UNC13C: variants seen among roughly 807,000 people sequenced by gnomAD.
UNC13C encodes protein unc-13 homolog C.
A neutral mutation model predicts 245.4 loss-of-function variants in UNC13C; 174 were observed. The ratio of observed to expected loss-of-function variants is 0.71; its 90% CI spans 0.63 to 0.80. The LOEUF is 0.80. Among genes scored for constraint, UNC13C ranks in the 30% least tolerant of loss-of-function variants. UNC13C has a pLI of 0.00. For missense variants in UNC13C, 2,829 were observed against 2,602.9 expected (o/e 1.09, Z -1.89); for synonymous variants, 992 against 895.1 (o/e 1.11, Z -1.93).
intron 1 of UNC13C, among the ~76,000 whole-genome samples, chr15:54,003,384 TATC>T (rs1894986730): frequency 6.6e-6 from 1 of 152,158 alleles, no homozygotes; most frequent in African/African-American, 2.4e-5. Context: ...CAACAGTGCT[TATC>T]ATCATGTAGC....
At chr15:53,895,179 C>A in the UNC13C span, among the ~76,000 whole-genome samples, 1 of 151,732 alleles carries the variant, frequency 6.6e-6, no homozygotes, top group Non-Finnish European at 1.5e-5. Flanking sequence ...GCCTGGCCAA[C>A]ATGGTGAAAC....
At chr15:53,951,324 A>G in the UNC13C span, among the ~76,000 whole-genome samples, 1 of 152,216 alleles carries the variant, frequency 6.6e-6, no homozygotes, top group African/African-American at 2.4e-5. Context: ...TTTCACATCT[A>G]TCTAATGTAT....
chr15:54,416,140 G>C (rs761723948), intron 19 of UNC13C, among the ~76,000 whole-genome samples: 1 of 152,200 alleles, frequency 6.6e-6, no homozygotes, highest in Non-Finnish European at 1.5e-5. Flanking sequence ...TGAGGAGTTT[G>C]ACTCTGTGCT....
At position 54,397,226 on chromosome 15, in the gene UNC13C, T is replaced by C. The variant is rs1180611325; in HGVS notation, c.4847+4045T>C. ...CTGGTGTGATAATCAAGTTTAACTT[T>C]CTTTGGATCGTTTTCATATGGTTAT... is the stretch of plus-strand genomic sequence containing the variant. On this transcript the variant is annotated intron_variant, in intron 18 of 32. Coordinates refer to ENST00000260323, the MANE Select transcript of UNC13C (RefSeq NM_001080534.3). Among the ~76,000 whole-genome samples, 8 of 151,642 alleles carry C rather than the reference T, an allele frequency of 5.3e-5. No individual in the cohort carries two copies. The East Asian group carries it at 1.5e-3, about 29-fold the overall frequency.
chr15:54,580,014 G>T (rs1471179647), intron 30 of UNC13C, among the ~76,000 whole-genome samples: 12 of 152,186 alleles, frequency 7.9e-5, no homozygotes, highest in Non-Finnish European at 7.3e-5. Flanking sequence ...TAAAACAGAG[G>T]TTAGAATAAG....
chr15:54,294,588 A>T (rs936300230), intron 11 of UNC13C, among the ~76,000 whole-genome samples: 16 of 152,244 alleles, frequency 1.1e-4, no homozygotes, highest in African/African-American at 3.4e-4. Context: ...GGAATGATTT[A>T]AAAAATTATT....
At chr15:54,009,210 T>C (rs1187007226) in intron 1 of UNC13C, among the ~76,000 whole-genome samples, 1 of 152,204 alleles carries the variant, frequency 6.6e-6, no homozygotes, top group Admixed American at 6.5e-5. Flanking sequence ...TATCTTCCCT[T>C]TCACTTCTGA....
At chr15:54,554,475 G>T (rs1897013146) in intron 28 of UNC13C, among the ~76,000 whole-genome samples, 1 of 151,972 alleles carries the variant, frequency 6.6e-6, no homozygotes, top group South Asian at 2.1e-4. Flanking sequence ...TTTACCAAAG[G>T]CACTGCTTTA....
chr15:54,438,508 C>G (rs1890343858), intron 19 of UNC13C, among the ~76,000 whole-genome samples: 1 of 151,980 alleles, frequency 6.6e-6, no homozygotes, highest in African/African-American at 2.4e-5. Context: ...AAGGAGTCCT[C>G]TTTCTTAGTT....
At chr15:54,123,973 T>A (rs2141199831) in intron 2 of UNC13C, among the ~76,000 whole-genome samples, 1 of 152,308 alleles carries the variant, frequency 6.6e-6, no homozygotes, top group East Asian at 1.9e-4. Context: ...GAGACTGGCT[T>A]TTTTCACTTA....
intron 17 of UNC13C, among the ~76,000 whole-genome samples, chr15:54,363,092 C>T (rs1319845542): frequency 6.6e-6 from 1 of 152,172 alleles, no homozygotes; most frequent in Non-Finnish European, 1.5e-5. Flanking sequence ...CAGTGCTGAG[C>T]TAATCACAAG....
At chr15:54,544,930 A>G (rs1202631527) in intron 26 of UNC13C, among the ~76,000 whole-genome samples, 2 of 152,244 alleles carry the variant, frequency 1.3e-5, no homozygotes, top group African/African-American at 4.8e-5. Flanking sequence ...CTTTCTTCAC[A>G]TAATTGGAAA....
At chr15:53,880,460 T>G in the UNC13C span, among the ~76,000 whole-genome samples, 3 of 152,218 alleles carry the variant, frequency 2.0e-5, no homozygotes, top group African/African-American at 7.2e-5. Context: ...CACGTTTGGT[T>G]TTCAAAGAGC....
Position 54,403,311 on chromosome 15 carries a change from C to T in UNC13C, c.4847+10130C>T, listed in dbSNP as rs115536431. Among the ~76,000 whole-genome samples, 608 of 152,076 alleles carry T rather than the reference C, an allele frequency of 4.0e-3. 3 individuals are homozygous for T. The highest frequency in any genetic ancestry group is 0.014 in the African/African-American group (576 of 41,476). On this transcript the variant is annotated intron_variant, in intron 18 of 32. Coordinates refer to ENST00000260323, the MANE Select transcript of UNC13C (RefSeq NM_001080534.3). ...TGCCTAGCTACTTGGGAGGATGAGGCGGGTGGGTCTCTTGATCCTAGGAGT... is the reference window on the plus strand; with the variant it reads ...TGCCTAGCTACTTGGGAGGATGAGGTGGGTGGGTCTCTTGATCCTAGGAGT...
At chr15:54,408,215 A>AAAAAAAAC (rs1567246321) in intron 18 of UNC13C, among the ~76,000 whole-genome samples, 4 of 148,326 alleles carry the variant, frequency 2.7e-5, no homozygotes, top group Non-Finnish European at 6.0e-5. Context: ...AAAAAAAAAA[A>AAAAAAAAC]AAAAAAAAAA....
intron 4 of UNC13C, among the ~76,000 whole-genome samples, chr15:54,206,609 A>G (rs1431422130): frequency 1.3e-5 from 2 of 152,126 alleles, no homozygotes; most frequent in South Asian, 2.1e-4. Context: ...ACAGCTGGGC[A>G]GTAAACTAGG....
At chr15:54,255,503 C>T (rs567192552) in intron 8 of UNC13C, among the ~76,000 whole-genome samples, 3 of 152,134 alleles carry the variant, frequency 2.0e-5, no homozygotes, top group Non-Finnish European at 2.9e-5. Context: ...CATTGGTGTC[C>T]TCTCAACATC....
chr15:53,935,665 A>T, the UNC13C span, among the ~76,000 whole-genome samples: 4 of 152,270 alleles, frequency 2.6e-5, no homozygotes, highest in Middle Eastern at 6.8e-3. Context: ...CAACCCACAG[A>T]GGGTGAGGAA....
At chr15:54,163,145 C>G (rs1238699807) in intron 4 of UNC13C, among the ~76,000 whole-genome samples, 2 of 152,064 alleles carry the variant, frequency 1.3e-5, no homozygotes, top group African/African-American at 4.8e-5. Context: ...ATAGATTACC[C>G]TGGATTATCT....
Sources: allele counts gnomAD v4.1 joint callset (sites outside exome capture counted in the v4.1 genomes callset), GRCh38; gene constraint gnomAD v4.1.1; transcripts MANE v1.5; gene names NCBI Gene and HGNC (gene_info 2026-07-23, HGNC 2026-07-21).